NOD1: variants seen among roughly 807,000 people sequenced by gnomAD.
NOD1 encodes the protein nucleotide binding oligomerization domain containing 1.
NOD1 carries 70 observed loss-of-function variants against 81.2 expected under a neutral mutation model. The ratio of observed to expected loss-of-function variants is 0.86; its 90% CI spans 0.71 to 1.05. The LOEUF (loss-of-function observed/expected upper bound fraction) is 1.05. Ranked by LOEUF, NOD1 falls within the 50% of genes least tolerant of loss-of-function variation. The pLI is 0.00. For missense variants in NOD1, 1,233 were observed against 1,228.0 expected, an observed-to-expected ratio of 1.00 and a Z score of -0.06; for synonymous variants, 508 against 526.9, an observed-to-expected ratio of 0.96 and a Z score of 0.49.
At chr7:30,469,457 T>C (rs763915555) in intron 1 of NOD1, among the ~76,000 whole-genome samples, 2 of 152,094 alleles carry the variant, frequency 1.3e-5, no homozygotes, top group Admixed American at 6.5e-5. Context: ...AAGTACCTTA[T>C]AGTGTGAGCT....
In NOD1 at chr7:30,425,499, C is replaced by T. The variant is rs1246070881; in HGVS notation, c.*139G>A. On this transcript the variant is annotated 3_prime_UTR_variant, in exon 14 of 14. Coordinates refer to ENST00000222823, the MANE Select transcript of NOD1 (RefSeq NM_006092.4). ...CCAGACCTTCTGCACAGGAAGCTGG[C>T]TTGCATCATGGAGGCAGTGGACTCC... 5 of 682,556 alleles carry T rather than the reference C, an allele frequency of 7.3e-6. No individual in the cohort carries two copies. Among genetic ancestry groups the T allele is most frequent in the African/African-American group, 3.6e-5 (2 of 55,578 alleles). The allele number at this position is 682,556 out of a possible 1,614,324, so 42.3% of individuals were successfully genotyped here.
intron 6 of NOD1, among the ~76,000 whole-genome samples, chr7:30,448,592 G>A (rs1403649478): frequency 2.0e-5 from 3 of 152,204 alleles, no homozygotes; most frequent in African/African-American, 4.8e-5. Flanking sequence ...GCCCATGAGC[G>A]AGGCTGCAGC....
At position 30,478,559 on chromosome 7, in the gene NOD1, C is replaced by G. The variant is rs1240674251; in HGVS notation, c.-352+47G>C. On this transcript the variant is annotated intron_variant, in intron 1 of 13. Coordinates refer to ENST00000222823, the MANE Select transcript of NOD1 (RefSeq NM_006092.4). The surrounding 1 kb of genome is among the most constrained non-coding windows in gnomAD (Gnocchi z 4.1). ...CCTCCTCACTCGCAGCGCCCAGGACCTCAGAAAGGGCCTGCCCCGCGCGAA... is the reference window on the plus strand; with the variant it reads ...CCTCCTCACTCGCAGCGCCCAGGACGTCAGAAAGGGCCTGCCCCGCGCGAA... 1 of 152,590 alleles carries G rather than the reference C, an allele frequency of 6.6e-6. No homozygotes were observed. The highest frequency in any genetic ancestry group is 1.5e-5 in the Non-Finnish European group (1 of 68,370). The allele number at this position is 152,590 out of a possible 1,614,324, so 9.5% of individuals were successfully genotyped here.
At chr7:30,425,851 G>A (rs983540743) in intron 13 of NOD1, 141 bp from the exon 14 acceptor site, 1 of 693,236 alleles carries the variant, frequency 1.4e-6, no homozygotes, top group African/African-American at 1.8e-5. Flanking sequence ...CATACCCTTT[G>A]CAGATAGTTC....
Position 30,456,811 on chromosome 7 carries a change from AGTATTGCG to A in NOD1, c.103_110del (p.Arg35SerfsTer11), listed in dbSNP as rs1786427233. ...TCAGCAAGTTGTCCACCAGACACTG[AGTATTGCG>A]GATGTGAGTGACCAGAAGTTCCCGA... is the stretch of plus-strand genomic sequence containing the variant. On this transcript the variant is annotated frameshift_variant, in exon 4 of 14. Coordinates refer to ENST00000222823, the MANE Select transcript of NOD1 (RefSeq NM_006092.4). LOFTEE classifies it high-confidence loss of function. The A allele has an allele frequency of 6.2e-7, 1 of 1,614,150 alleles. No individual in the cohort carries two copies. The highest frequency in any genetic ancestry group is 2.2e-5 in the East Asian group (1 of 44,884).
intron 10 of NOD1, among the ~76,000 whole-genome samples, chr7:30,436,586 G>C (rs1411854010): frequency 6.6e-6 from 1 of 152,266 alleles, no homozygotes; most frequent in Non-Finnish European, 1.5e-5. Context: ...CCCATTTATA[G>C]AGAGGAAGAG....
chr7:30,437,076 C>G (rs1304998302), intron 10 of NOD1, among the ~76,000 whole-genome samples: 1 of 152,104 alleles, frequency 6.6e-6, no homozygotes, highest in Admixed American at 6.5e-5. Context: ...CCTTTGCTGG[C>G]ACATGGATGA....
chr7:30,474,691 G>A (rs966288828), intron 1 of NOD1, among the ~76,000 whole-genome samples: 2 of 152,136 alleles, frequency 1.3e-5, no homozygotes, highest in African/African-American at 4.8e-5. Context: ...TCTGCTGTGC[G>A]GCCCACCTAA....
chr7:30,476,870 T>G (rs780844287), intron 1 of NOD1, among the ~76,000 whole-genome samples: 13 of 152,140 alleles, frequency 8.5e-5, no homozygotes, highest in Non-Finnish European at 1.6e-4. Flanking sequence ...GAAGGGAACA[T>G]TTTATAGACA....
At chr7:30,455,703 G>A (rs188358829) in intron 4 of NOD1, among the ~76,000 whole-genome samples, 1 of 152,034 alleles carries the variant, frequency 6.6e-6, no homozygotes, top group Admixed American at 6.5e-5. Context: ...CCAGGTTCAA[G>A]GAATTCTCTT....
At chr7:30,469,181 C>A in intron 1 of NOD1, 1 of 985,372 alleles carries the variant, frequency 1.0e-6, no homozygotes, top group Non-Finnish European at 1.2e-6. Context: ...AAAACAAGCC[C>A]GGTCATGTGG....
intron 13 of NOD1, among the ~76,000 whole-genome samples, chr7:30,429,123 AG>A (rs748142003): frequency 6.6e-6 from 1 of 152,240 alleles, no homozygotes; most frequent in Non-Finnish European, 1.5e-5. Flanking sequence ...GCGGGGGCCC[AG>A]GGCAGGAGAG....
rs765223709 is a variant in NOD1, at chr7:30,470,870, C to A, written c.-352+7736G>T. ...ACCGGTTTCCTGGAACTCCACTCTG[C>A]GAGAGGGCTGAAGTGTTTATGCAGA... On this transcript the variant is annotated intron_variant, in intron 1 of 13. Transcript: ENST00000222823. Among the ~76,000 whole-genome samples, 3 of 152,080 alleles carry A rather than the reference C, an allele frequency of 2.0e-5. No homozygotes were observed. The East Asian group carries it at 5.8e-4, about 29-fold the overall frequency.
In NOD1 at chr7:30,448,344, C is replaced by T. The variant is rs781286859; in HGVS notation, c.2239G>A (p.Val747Met). Residue 747 changes from valine (V) to methionine (M), a missense_variant, in exon 7 of 14, where the codon GTG becomes ATG. Coordinates refer to ENST00000222823, the MANE Select transcript of NOD1 (RefSeq NM_006092.4). ...VNQITDGGVK[V>M]LSEELTKYKI... ...TATTTGGTCAGCTCTTCGCTTAGCA[C>T]CTTTACCCCACCGTCAGTGATCTGG... 23 of 1,614,226 alleles carry T rather than the reference C, an allele frequency of 1.4e-5. No homozygotes were observed. In the Middle Eastern group the frequency reaches 3.1e-3, roughly 220 times the overall value.
intron 5 of NOD1, among the ~76,000 whole-genome samples, chr7:30,454,692 G>A (rs56271862): frequency 0.042 from 6,406 of 152,074 alleles, 217 homozygotes; most frequent in Admixed American, 0.093. Flanking sequence ...GAGTGTAGGG[G>A]CACAATCATA....
At position 30,435,785 on chromosome 7, in the gene NOD1, C is replaced by T. The variant is rs1288180602; in HGVS notation, c.2621+213G>A. Among the ~76,000 whole-genome samples the T allele has an allele frequency of 3.9e-5, 6 of 151,952 alleles. No individual in the cohort carries two copies. The South Asian group carries it at 8.3e-4, about 21-fold the overall frequency. ...ACCAGCCTGGGTAACATAGCAAAAC[C>T]CCATCTCTACAAAAAATTTTAAAAT... On this transcript the variant is annotated intron_variant, in intron 11 of 13. Coordinates refer to ENST00000222823, the MANE Select transcript of NOD1 (RefSeq NM_006092.4).
Position 30,451,130 on chromosome 7 carries a change from G to T in NOD1, c.2201+86C>A, listed in dbSNP as rs910877306. ...AGGGCCATGGTCATGAGTCCTGGGG[G>T]ATCCTGGTCCATGATGCCATTCCCG... On this transcript the variant is annotated intron_variant, in intron 6 of 13. Transcript: ENST00000222823. This position sits in a 1 kb window ranked among gnomAD's most constrained non-coding sequence, Gnocchi z 4.2. The T allele has an allele frequency of 1.2e-5, 17 of 1,446,402 alleles. No individual in the cohort carries two copies. In the African/African-American group the frequency reaches 1.4e-4, roughly 12 times the overall value. The allele number at this position is 1,446,402 out of a possible 1,614,324, so 89.6% of individuals were successfully genotyped here.
In NOD1 at chr7:30,446,975, C is replaced by A. The variant is rs189173990; in HGVS notation, c.2361G>T (p.Thr787=). 1 of 1,613,502 alleles carries A rather than the reference C, an allele frequency of 6.2e-7. No homozygotes were observed. Among genetic ancestry groups the A allele is most frequent in the Non-Finnish European group, 8.5e-7 (1 of 1,179,514 alleles). Residue 787 remains threonine (T), a synonymous_variant, in exon 8 of 14, where the codon ACG becomes ACT. Coordinates refer to ENST00000222823, the MANE Select transcript of NOD1 (RefSeq NM_006092.4). ...TKILDECKGL[T]HLKLGKNKIT... is the part of the protein sequence containing the mutation. ...GTGCCTACCCCACTTACTTAAGATG[C>A]GTGAGGCCTTTGCATTCATCCAGGA...
At position 30,433,185 on chromosome 7, in the gene NOD1, G is replaced by A. The variant is rs1784090745; in HGVS notation, c.2622-6C>T. On this transcript the variant is annotated splice_polypyrimidine_tract_variant and splice_region_variant and intron_variant, in intron 11 of 13. Coordinates refer to ENST00000222823, the MANE Select transcript of NOD1 (RefSeq NM_006092.4). Reference sequence around the variant, plus strand: ...TGAGTTCATTTTGGGTCAGCCTAAGGAAAAAAAAGGAAGTATTTACTCAAG... The same window carrying A: ...TGAGTTCATTTTGGGTCAGCCTAAGAAAAAAAAAGGAAGTATTTACTCAAG... The A allele has an allele frequency of 6.2e-7, 1 of 1,605,542 alleles. No individual in the cohort carries two copies. The highest frequency in any genetic ancestry group is 8.5e-7 in the Non-Finnish European group (1 of 1,174,288).
Sources: gnomAD v4.1 joint callset for allele counts (sites outside exome capture counted in the v4.1 genomes callset) on GRCh38, gnomAD v4.1.1 for gene constraint, Gnocchi (gnomAD v3.1) non-coding constraint, MANE v1.5 for transcripts, NCBI Gene and HGNC (gene_info 2026-07-23, HGNC 2026-07-21) for gene names.